The following KCNJ6 variants were observed in gnomAD, a reference collection of about 807,000 sequenced individuals.
KCNJ6 encodes the protein potassium inwardly rectifying channel subfamily J member 6.
Under a neutral mutation model 34.2 loss-of-function variants are expected in KCNJ6, and 9 were observed. That is an observed-to-expected ratio of 0.26 (90% CI 0.16 to 0.46). The LOEUF (loss-of-function observed/expected upper bound fraction) is 0.46, where lower values mean the gene tolerates loss of function less well. KCNJ6 is among the 20% of genes least tolerant of loss of function. The pLI is 1.00. For missense variants in KCNJ6, 236 were observed against 531.3 expected (o/e 0.44, Z 5.46); for synonymous variants, 196 against 207.1 (o/e 0.95, Z 0.46).
chr21:37,764,190 A>AGTGAGATTGAG (rs2055079759), intron 2 of KCNJ6, among the ~76,000 whole-genome samples: 1 of 152,146 alleles, frequency 6.6e-6, no homozygotes, highest in Admixed American at 6.5e-5. Flanking sequence ...GTAATGCAAG[A>AGTGAGATTGAG]GGTACCTAGT....
chr21:37,693,361 G>A (rs942108291), intron 3 of KCNJ6, among the ~76,000 whole-genome samples: 1 of 152,226 alleles, frequency 6.6e-6, no homozygotes, highest in African/African-American at 2.4e-5. Flanking sequence ...GAGGGGCCCA[G>A]GGATTGGCTG....
chr21:37,769,316 C>T (rs1230070898), intron 2 of KCNJ6, among the ~76,000 whole-genome samples: 1 of 151,972 alleles, frequency 6.6e-6, no homozygotes, highest in Non-Finnish European at 1.5e-5. Context: ...ATATTGTGTT[C>T]AGATACCCCC....
chr21:37,653,446 G>A (rs537539914), intron 3 of KCNJ6, among the ~76,000 whole-genome samples: 4 of 152,302 alleles, frequency 2.6e-5, no homozygotes, highest in African/African-American at 7.2e-5. Context: ...ATGGGGAGAT[G>A]TAAACATGCA....
chr21:37,888,929 T>C (rs1385287131), intron 1 of KCNJ6, among the ~76,000 whole-genome samples: 1 of 152,206 alleles, frequency 6.6e-6, no homozygotes, highest in African/African-American at 2.4e-5. Flanking sequence ...CCTGAGGCCA[T>C]CAAGTTACAC....
chr21:37,829,540 G>A (rs982950195), intron 2 of KCNJ6, among the ~76,000 whole-genome samples: 1 of 152,206 alleles, frequency 6.6e-6, no homozygotes, highest in African/African-American at 2.4e-5. Context: ...CCAGGGGGCA[G>A]TGATGGAGAC....
intron 1 of KCNJ6, among the ~76,000 whole-genome samples, chr21:37,899,906 A>T (rs560992863): frequency 1.3e-5 from 2 of 152,292 alleles, no homozygotes; most frequent in South Asian, 4.1e-4. Context: ...TCTGATGTTA[A>T]TTCCTCCTTT....
chr21:37,709,473 C>T (rs1166887921), intron 3 of KCNJ6, among the ~76,000 whole-genome samples: 1 of 151,802 alleles, frequency 6.6e-6, no homozygotes, highest in Non-Finnish European at 1.5e-5. Flanking sequence ...AAGATCACGC[C>T]ACTGCACTCC....
At chr21:37,715,931 G>A (rs1373926571) in intron 2 of KCNJ6, among the ~76,000 whole-genome samples, 2 of 152,186 alleles carry the variant, frequency 1.3e-5, no homozygotes, top group Non-Finnish European at 2.9e-5. Context: ...ATGGCAGCCT[G>A]AACTGACTTA....
intron 2 of KCNJ6, among the ~76,000 whole-genome samples, chr21:37,796,521 C>T (rs1280855637): frequency 6.6e-6 from 1 of 151,912 alleles, no homozygotes; most frequent in Non-Finnish European, 1.5e-5. Flanking sequence ...TTGTTAGCCT[C>T]GGTTTTGTCC....
chr21:37,730,549 C>T (rs531351892), intron 2 of KCNJ6, among the ~76,000 whole-genome samples: 93 of 152,292 alleles, frequency 6.1e-4, no homozygotes, highest in Non-Finnish European at 1.1e-3. Context: ...GTGTCTGGGT[C>T]GAAGAAGGTA....
At chr21:37,843,487 CTCAT>C (rs978375753) in intron 1 of KCNJ6, among the ~76,000 whole-genome samples, 2 of 152,166 alleles carry the variant, frequency 1.3e-5, no homozygotes, top group African/African-American at 2.4e-5. Context: ...ATGTCCTTCC[CTCAT>C]TATCAGAAAG....
At chr21:37,746,920 C>T (rs1459906935) in intron 2 of KCNJ6, among the ~76,000 whole-genome samples, 1 of 152,194 alleles carries the variant, frequency 6.6e-6, no homozygotes, top group South Asian at 2.1e-4. Flanking sequence ...GTTTTAAGTG[C>T]TCCAGCTACT....
At chr21:37,656,880 T>C (rs1305782415) in intron 3 of KCNJ6, among the ~76,000 whole-genome samples, 1 of 152,238 alleles carries the variant, frequency 6.6e-6, no homozygotes, top group Non-Finnish European at 1.5e-5. Context: ...TCTTGTCCTT[T>C]GGCCCAAGAA....
chr21:37,739,484 A>C (rs1175626235), intron 2 of KCNJ6, among the ~76,000 whole-genome samples: 1 of 152,172 alleles, frequency 6.6e-6, no homozygotes, highest in Non-Finnish European at 1.5e-5. Context: ...AATTGGGAAA[A>C]AATTAATAAG....
At chr21:37,891,173 G>A (rs2055760223) in intron 1 of KCNJ6, among the ~76,000 whole-genome samples, 1 of 152,142 alleles carries the variant, frequency 6.6e-6, no homozygotes, top group South Asian at 2.1e-4. Flanking sequence ...TTTCACAGGT[G>A]GGCCTCTCAG....
intron 2 of KCNJ6, among the ~76,000 whole-genome samples, chr21:37,827,067 A>G (rs757574997): frequency 6.6e-6 from 1 of 152,174 alleles, no homozygotes; most frequent in Non-Finnish European, 1.5e-5. Context: ...TTAATTGGAC[A>G]CTTCTGAGTA....
At chr21:37,845,680 G>A (rs2055503357) in intron 1 of KCNJ6, among the ~76,000 whole-genome samples, 1 of 152,196 alleles carries the variant, frequency 6.6e-6, no homozygotes. Flanking sequence ...GTTAGAACCT[G>A]TTCTTGCTAT....
intron 2 of KCNJ6, among the ~76,000 whole-genome samples, chr21:37,763,290 A>C (rs1186845075): frequency 6.6e-6 from 1 of 152,146 alleles, no homozygotes; most frequent in Non-Finnish European, 1.5e-5. Context: ...ACTTGAAGGC[A>C]AGGGTGGAAT....
chr21:37,716,183 A>T (rs973776474), intron 2 of KCNJ6, among the ~76,000 whole-genome samples: 1 of 152,078 alleles, frequency 6.6e-6, no homozygotes, highest in Non-Finnish European at 1.5e-5. Context: ...GGTTTAAAAA[A>T]CATTTCTGGT....
Sources: gnomAD v4.1 joint callset for allele counts (sites outside exome capture counted in the v4.1 genomes callset) on GRCh38, gnomAD v4.1.1 for gene constraint, MANE v1.5 for transcripts, NCBI Gene and HGNC (gene_info 2026-07-23, HGNC 2026-07-21) for gene names.